The following CDH13 variants were observed in gnomAD, a reference collection of about 807,000 sequenced individuals.
CDH13 encodes the protein cadherin-13.
Under a neutral mutation model 63.8 loss-of-function variants are expected in CDH13, and 24 were observed. The observed-to-expected ratio is 0.38, with a 90% confidence interval of 0.27 to 0.53. The LOEUF (loss-of-function observed/expected upper bound fraction) is 0.53. Among genes scored for constraint, CDH13 ranks in the 20% least tolerant of loss-of-function variants. The pLI is 0.85. For synonymous variants in CDH13, 503 were observed against 355.3 expected (o/e 1.42, Z -4.67); for missense variants, 1,049 against 903.1 (o/e 1.16, Z -2.07).
At position 83,083,898 on chromosome 16, in the gene CDH13, T is replaced by C. The variant is rs953922529; in HGVS notation, c.367-41487T>C. 2.6e-5 allele frequency among the ~76,000 whole-genome samples: 4 copies of C among 152,220 alleles called. No homozygotes were observed. In the East Asian group the frequency reaches 5.8e-4, roughly 22 times the overall value. On this transcript the variant is annotated intron_variant, in intron 3 of 13. Transcript: ENST00000567109. ...TTTTATTAGGTTGAGTTGTCAATTT[T>C]AAATAATCAAGAAAGATAGCTCCAG...
At position 83,219,509 on chromosome 16, in the gene CDH13, T is replaced by A. The variant is rs567476631; in HGVS notation, c.636+2012T>A. 9.2e-5 allele frequency among the ~76,000 whole-genome samples: 14 copies of A among 152,232 alleles called. No individual in the cohort carries two copies. The South Asian group carries it at 2.5e-3, about 27-fold the overall frequency. On this transcript the variant is annotated intron_variant, in intron 5 of 13. Transcript: ENST00000567109. The stretch of plus-strand genomic sequence containing the variant: ...TAGGATTTCATAAGGATTAAATGAG[T>A]TAATACATATGAAGCATTTAGAAAA...
intron 7 of CDH13, among the ~76,000 whole-genome samples, chr16:83,546,671 C>A (rs1037493732): frequency 5.9e-5 from 9 of 151,986 alleles, no homozygotes; most frequent in African/African-American, 2.2e-4. Context: ...TTGGGGAGAC[C>A]CAGTGGTGTG....
intron 2 of CDH13, among the ~76,000 whole-genome samples, chr16:82,958,195 C>T (rs955225826): frequency 6.6e-6 from 1 of 152,228 alleles, no homozygotes; most frequent in African/African-American, 2.4e-5. Flanking sequence ...GCACCAACCT[C>T]TGCTTCTAAA....
intron 7 of CDH13, among the ~76,000 whole-genome samples, chr16:83,570,971 A>ATATATATATATAT (rs57205262): frequency 2.6e-4 from 31 of 117,182 alleles, no homozygotes; most frequent in African/African-American, 3.0e-4. Flanking sequence ...ATATATATAT[A>ATATATATATATAT]AAAACCTTCT....
chr16:83,007,482 A>C (rs746539545), intron 2 of CDH13, among the ~76,000 whole-genome samples: 3 of 152,032 alleles, frequency 2.0e-5, no homozygotes, highest in Non-Finnish European at 4.4e-5. Flanking sequence ...CTTGCTCTGA[A>C]CTCTATTGCT....
At chr16:83,220,108 G>A (rs1166957637) in intron 5 of CDH13, among the ~76,000 whole-genome samples, 1 of 152,182 alleles carries the variant, frequency 6.6e-6, no homozygotes, top group Admixed American at 6.5e-5. Context: ...GGGCTCATGA[G>A]GGCCTACTTT....
chr16:83,558,663 G>A (rs530824848), intron 7 of CDH13, among the ~76,000 whole-genome samples: 2 of 151,854 alleles, frequency 1.3e-5, no homozygotes, highest in African/African-American at 4.8e-5. Flanking sequence ...AAGCTAAATT[G>A]CCTGTATTTG....
At chr16:83,095,425 G>T (rs936806411) in intron 3 of CDH13, among the ~76,000 whole-genome samples, 1 of 152,178 alleles carries the variant, frequency 6.6e-6, no homozygotes, top group African/African-American at 2.4e-5. Flanking sequence ...AACATCATCA[G>T]TGATAAAGTA....
intron 11 of CDH13, among the ~76,000 whole-genome samples, chr16:83,767,157 C>T (rs1914445875): frequency 6.6e-6 from 1 of 152,122 alleles, no homozygotes; most frequent in African/African-American, 2.4e-5. Context: ...GGAGTCTTGT[C>T]TTACTGGTCT....
chr16:82,932,534 C>G (rs1320876408), intron 2 of CDH13, among the ~76,000 whole-genome samples: 1 of 152,124 alleles, frequency 6.6e-6, no homozygotes, highest in Non-Finnish European at 1.5e-5. Flanking sequence ...CTTCCCAAGA[C>G]AAAACTTGTG....
chr16:82,634,387 C>T (rs549551426), intron 1 of CDH13, among the ~76,000 whole-genome samples: 1 of 152,216 alleles, frequency 6.6e-6, no homozygotes, highest in African/African-American at 2.4e-5. Flanking sequence ...TCCCTGTGGA[C>T]TGATTGCTGT....
At chr16:82,660,277 G>A (rs1053804634) in intron 1 of CDH13, among the ~76,000 whole-genome samples, 1 of 152,120 alleles carries the variant, frequency 6.6e-6, no homozygotes, top group Non-Finnish European at 1.5e-5. Flanking sequence ...GCAGATGCAA[G>A]TAAAATGATC....
At chr16:82,840,487 A>G (rs1181789375) in intron 1 of CDH13, among the ~76,000 whole-genome samples, 1 of 151,892 alleles carries the variant, frequency 6.6e-6, no homozygotes, top group Non-Finnish European at 1.5e-5. Context: ...CTTTGAGACC[A>G]GCCTGACCAA....
chr16:83,794,662 A>G (rs1408169594), intron 13 of CDH13, among the ~76,000 whole-genome samples: 8 of 151,286 alleles, frequency 5.3e-5, no homozygotes, highest in Non-Finnish European at 1.2e-4. Flanking sequence ...AAGTCGATAC[A>G]TATATGGGAT....
intron 4 of CDH13, among the ~76,000 whole-genome samples, chr16:83,179,890 GT>G (rs11406184): frequency 0.017 from 2,469 of 146,352 alleles, 64 homozygotes; most frequent in African/African-American, 0.053. Flanking sequence ...AATAGGTTAA[GT>G]TTTTTTTTTT....
intron 6 of CDH13, among the ~76,000 whole-genome samples, chr16:83,460,801 C>A (rs1364589618): frequency 6.7e-6 from 1 of 149,870 alleles, no homozygotes; most frequent in Non-Finnish European, 1.5e-5. Context: ...TGTCCAAGAT[C>A]AGCCTGGGCA....
chr16:83,439,885 C>T (rs533643566), intron 6 of CDH13, among the ~76,000 whole-genome samples: 1 of 152,284 alleles, frequency 6.6e-6, no homozygotes, highest in East Asian at 1.9e-4. Flanking sequence ...TGTCCTTTCT[C>T]TAACAAAGTC....
chr16:82,687,506 C>T (rs1373077002), intron 1 of CDH13, among the ~76,000 whole-genome samples: 1 of 152,058 alleles, frequency 6.6e-6, no homozygotes, highest in Admixed American at 6.5e-5. Flanking sequence ...GAAGGAGGAG[C>T]AAAGTCACAT....
intron 4 of CDH13, among the ~76,000 whole-genome samples, chr16:83,191,597 A>G (rs1325284407): frequency 1.4e-5 from 2 of 147,668 alleles, no homozygotes; most frequent in East Asian, 2.0e-4. Flanking sequence ...ATTAAATAGT[A>G]TCAACTCACA....
Sources: allele counts gnomAD v4.1 joint callset (sites outside exome capture counted in the v4.1 genomes callset), GRCh38; gene constraint gnomAD v4.1.1; transcripts MANE v1.5; gene names NCBI Gene and HGNC (gene_info 2026-07-23, HGNC 2026-07-21).